The following ASMTL variants were observed in gnomAD, a reference collection of about 807,000 sequenced individuals.
The protein encoded by ASMTL is acetylserotonin O-methyltransferase like.
A neutral mutation model predicts 60.3 loss-of-function variants in ASMTL; 57 were observed. The ratio of observed to expected loss-of-function variants is 0.95; its 90% CI spans 0.76 to 1.18. The LOEUF is 1.18. Among genes scored for constraint, ASMTL ranks in the 50% most tolerant of loss-of-function variants. The pLI is 0.00. For synonymous variants in ASMTL, 419 were observed against 373.0 expected, an observed-to-expected ratio of 1.12 and a Z score of -1.42; for missense variants, 981 against 852.6, an observed-to-expected ratio of 1.15 and a Z score of -1.88.
intron 6 of ASMTL, among the ~76,000 whole-genome samples, chrX:1,429,759 T>C (rs1410425745): frequency 6.6e-6 from 1 of 151,848 alleles, no homozygotes; most frequent in African/African-American, 2.4e-5. Context: ...ATCGCGCCAC[T>C]GCACTCCAGC....
chrX:1,431,892 CCT>C (rs2090800073), intron 6 of ASMTL: 1 of 245,300 alleles, frequency 4.1e-6, no homozygotes. Flanking sequence ...GGTAGAATCA[CCT>C]CTTAGGGTGA....
intron 7 of ASMTL, among the ~76,000 whole-genome samples, chrX:1,426,134 C>A (rs2090605362): frequency 6.6e-6 from 1 of 152,076 alleles, no homozygotes; most frequent in Non-Finnish European, 1.5e-5. Context: ...ACAGGGACGA[C>A]CCTGTGAGGA....
At chrX:1,426,028 G>C (rs2090602967) in intron 7 of ASMTL, among the ~76,000 whole-genome samples, 1 of 152,156 alleles carries the variant, frequency 6.6e-6, no homozygotes, top group Admixed American at 6.5e-5. Flanking sequence ...GGGTTTTAAA[G>C]AAGTGATTCA....
intron 10 of ASMTL, 53 bp downstream of exon 10, chrX:1,418,929 C>A (rs1603450854): frequency 1.9e-6 from 3 of 1,609,344 alleles, no homozygotes; most frequent in Admixed American, 3.3e-5. Flanking sequence ...AGGGAAGATA[C>A]CTGTGGCTTA....
rs773830251 is a variant in ASMTL, at chrX:1,419,053, G to A, written c.1307C>T (p.Thr436Met). 6 of 1,611,440 alleles carry A rather than the reference G, an allele frequency of 3.7e-6. No homozygotes were observed. Among genetic ancestry groups the A allele is most frequent in the South Asian group, 1.1e-5 (1 of 90,884 alleles). Residue 436 changes from threonine to methionine, a missense_variant, in exon 10 of 13, where the codon ACG becomes ATG. Physicochemically the swap from Thr to Met is moderately conservative, Grantham distance 81 (BLOSUM62 -1). Coordinates refer to ENST00000381317, the MANE Select transcript of ASMTL (RefSeq NM_004192.4). ...GGCCACCTGGCACGCAGTCAGCTTC[G>A]TCATGCCGTGCATGGCCCGCATGAA... ...LRFMRAMHGM[T>M]KLTACQVATA...
intron 4 of ASMTL, 141 bp from the exon 5 acceptor site, chrX:1,435,224 T>C: frequency 1.1e-6 from 1 of 890,872 alleles, no homozygotes; most frequent in Non-Finnish European, 1.8e-6. Context: ...ATCGTCCCGC[T>C]GTGGGGTCTC....
chrX:1,404,517 A>T (rs1309589534), intron 12 of ASMTL, among the ~76,000 whole-genome samples: 1 of 147,646 alleles, frequency 6.8e-6, no homozygotes, highest in African/African-American at 2.5e-5. Flanking sequence ...TAGATAGTAG[A>T]TGATGGTTAG....
Position 1,421,789 on chromosome X carries a change from A to T in ASMTL, c.1114T>A (p.Ser372Thr). 6.2e-7 allele frequency: 1 copy of T among 1,613,866 alleles called. No homozygotes were observed. Among genetic ancestry groups the T allele is most frequent in the African/African-American group, 1.3e-5 (1 of 74,994 alleles). ...TTGTGCATGATGAAGCCGTGCAGAG[A>T]GTATTCGCCATCCGATGCCAGGTAG... is the stretch of plus-strand genomic sequence containing the variant. The part of the protein sequence containing the change: ...NVYLASDGEY[S>T]LHGFIMHNND... Residue 372 changes from serine to threonine, a missense_variant, in exon 9 of 13, where the codon TCT (serine) becomes ACT (threonine). Coordinates refer to ENST00000381317, the MANE Select transcript of ASMTL (RefSeq NM_004192.4).
rs1396347670 is a variant in ASMTL, at chrX:1,435,733, T to C, written c.299A>G (p.Lys100Arg). 1.9e-6 allele frequency: 3 copies of C among 1,613,464 alleles called. No individual in the cohort carries two copies. The highest frequency in any genetic ancestry group is 1.7e-5 in the Admixed American group (1 of 59,952). ...IVTVGGLILE[K>R]PVDKQDAYRM... ...GTAGGCGTCCTGCTTGTCCACCGGC[T>C]TCTCCAGAATCAGCCCCCCGACTGT... The change falls in exon 4 of 13, where the codon AAG becomes AGG. Residue 100 changes from lysine (K) to arginine (R), a missense_variant. By Grantham distance (26) the Lys-to-Arg change is conservative. Coordinates refer to ENST00000381317, the MANE Select transcript of ASMTL (RefSeq NM_004192.4).
chrX:1,439,024 A>T, intron 3 of ASMTL, 73 bp downstream of exon 3: 1 of 1,499,720 alleles, frequency 6.7e-7, no homozygotes, highest in Non-Finnish European at 9.3e-7. Flanking sequence ...TACAACATCC[A>T]CAAGAGGCAG....
intron 11 of ASMTL, among the ~76,000 whole-genome samples, chrX:1,415,239 C>T (rs1412871254): frequency 6.6e-6 from 1 of 152,234 alleles, no homozygotes; most frequent in East Asian, 1.9e-4. Flanking sequence ...TCAATCCGTC[C>T]TGGCCTCAGC....
Position 1,430,078 on chromosome X carries a change from G to C in ASMTL, c.510-1957C>G, listed in dbSNP as rs537705238. On this transcript the variant is annotated intron_variant, in intron 6 of 12. Coordinates refer to ENST00000381317, the MANE Select transcript of ASMTL (RefSeq NM_004192.4). ...TGCCCAGGCTGGAGTGCAGTGGCGCGATCTCGGCTCACTGCAACCTCCACC... is the reference window on the plus strand; with the variant it reads ...TGCCCAGGCTGGAGTGCAGTGGCGCCATCTCGGCTCACTGCAACCTCCACC... Among the ~76,000 whole-genome samples the C allele has an allele frequency of 1.1e-3, 164 of 151,422 alleles. 1 individual carries two copies. Among genetic ancestry groups the C allele is most frequent in the African/African-American group, 3.9e-3 (162 of 41,296 alleles).
intron 3 of ASMTL, among the ~76,000 whole-genome samples, chrX:1,436,250 T>C (rs1184523740): frequency 1.3e-5 from 2 of 152,240 alleles, no homozygotes; most frequent in Non-Finnish European, 2.9e-5. Context: ...CTTGGCTCAC[T>C]GCAACCTCCG....
chrX:1,419,481 A>G (rs1171089165), intron 9 of ASMTL, among the ~76,000 whole-genome samples: 1 of 152,070 alleles, frequency 6.6e-6, no homozygotes, highest in South Asian at 2.1e-4. Context: ...AGAAGCCACA[A>G]TGTCTCTGCA....
intron 6 of ASMTL, 25 bp downstream of exon 6, chrX:1,432,244 T>TCCCCCCCC: frequency 1.9e-6 from 3 of 1,559,294 alleles, no homozygotes; most frequent in Admixed American, 1.7e-5. Flanking sequence ...GTGTCCCCCG[T>TCCCCCCCC]CCCCCCACCG....
At chrX:1,439,184 G>A (rs776218947) in intron 2 of ASMTL, 40 bp from the exon 3 acceptor site, 107 of 1,608,034 alleles carry the variant, frequency 6.7e-5, no homozygotes, top group Admixed American at 2.5e-4. Flanking sequence ...GTGACGTGCC[G>A]TGGGTCTCAC....
intron 9 of ASMTL, among the ~76,000 whole-genome samples, chrX:1,420,184 T>A (rs1363002077): frequency 6.6e-6 from 1 of 151,854 alleles, no homozygotes; most frequent in Non-Finnish European, 1.5e-5. Context: ...TCCGCCTCCC[T>A]CTGTCTCTCA....
chrX:1,415,854 A>G (rs1452963621), intron 11 of ASMTL, among the ~76,000 whole-genome samples: 3 of 151,088 alleles, frequency 2.0e-5, no homozygotes, highest in Admixed American at 6.6e-5. Flanking sequence ...AGACACAGAC[A>G]CAGGCACACA....
intron 6 of ASMTL, among the ~76,000 whole-genome samples, chrX:1,431,075 C>T (rs1361696603): frequency 8.3e-6 from 1 of 121,196 alleles, no homozygotes; most frequent in African/African-American, 3.5e-5. Flanking sequence ...TCCATATATT[C>T]ATATATTTCT....
Sources: gnomAD v4.1 joint callset for allele counts (sites outside exome capture counted in the v4.1 genomes callset) on GRCh38, gnomAD v4.1.1 for gene constraint, MANE v1.5 for transcripts, NCBI Gene and HGNC (gene_info 2026-07-23, HGNC 2026-07-21) for gene names.